The following PPP1R14C variants were observed in gnomAD, a reference collection of about 807,000 sequenced individuals.
PPP1R14C encodes the protein protein phosphatase 1 regulatory subunit 14C.
A neutral mutation model predicts 20.4 loss-of-function variants in PPP1R14C; 16 were observed. The observed-to-expected ratio is 0.78, with a 90% CI of 0.53 to 1.19. The LOEUF (loss-of-function observed/expected upper bound fraction) is 1.19, where lower values mean the gene tolerates loss of function less well. Ranked by LOEUF, PPP1R14C falls within the 50% of genes most tolerant of loss-of-function variation. The pLI, the probability that PPP1R14C is intolerant of heterozygous loss-of-function variation, is 0.00. For synonymous variants in PPP1R14C, 91 were observed against 91.0 expected, an observed-to-expected ratio of 1.00 and a Z score of 0.00; for missense variants, 211 against 220.1, an observed-to-expected ratio of 0.96 and a Z score of 0.26.
At chr6:150,195,592 G>A (rs1777794700) in intron 1 of PPP1R14C, among the ~76,000 whole-genome samples, 1 of 152,068 alleles carries the variant, frequency 6.6e-6, no homozygotes, top group African/African-American at 2.4e-5. Context: ...TGCCCACCTT[G>A]GCCTCCCAAA....
intron 1 of PPP1R14C, among the ~76,000 whole-genome samples, chr6:150,166,078 CT>C (rs373832861): frequency 0.25 from 35,359 of 143,458 alleles, 4,331 homozygotes; most frequent in South Asian, 0.38. Flanking sequence ...TCTTCTTCTT[CT>C]TTTTTTTTTT....
intron 3 of PPP1R14C, among the ~76,000 whole-genome samples, chr6:150,242,594 C>CAGGT (rs1778445851): frequency 6.6e-6 from 1 of 152,190 alleles, no homozygotes; most frequent in Non-Finnish European, 1.5e-5. Flanking sequence ...AAAAAACCTA[C>CAGGT]AGGTAACATA....
intron 1 of PPP1R14C, among the ~76,000 whole-genome samples, chr6:150,191,984 G>A (rs140049735): frequency 8.9e-4 from 135 of 152,274 alleles, no homozygotes; most frequent in Non-Finnish European, 1.7e-3. Flanking sequence ...GGAGCTTGCT[G>A]ACTCAGTGTC....
intron 1 of PPP1R14C, among the ~76,000 whole-genome samples, chr6:150,145,276 T>C (rs903017732): frequency 6.6e-6 from 1 of 152,252 alleles, no homozygotes; most frequent in Admixed American, 6.5e-5. Flanking sequence ...AATCTTTTCC[T>C]TGTATTGTAC....
intron 1 of PPP1R14C, among the ~76,000 whole-genome samples, chr6:150,178,000 C>G (rs1016022849): frequency 6.6e-6 from 1 of 152,186 alleles, no homozygotes; most frequent in Non-Finnish European, 1.5e-5. Context: ...TTTTACCTCG[C>G]ACAAGAATGT....
intron 3 of PPP1R14C, among the ~76,000 whole-genome samples, chr6:150,224,380 A>C (rs775624621): frequency 6.6e-6 from 1 of 152,196 alleles, no homozygotes; most frequent in Non-Finnish European, 1.5e-5. Context: ...TTTTATCCAC[A>C]GAACAGCTTC....
At chr6:150,222,363 C>T (rs1015943174) in intron 3 of PPP1R14C, among the ~76,000 whole-genome samples, 7 of 152,246 alleles carry the variant, frequency 4.6e-5, no homozygotes, top group African/African-American at 1.7e-4. Context: ...CACTCCCATC[C>T]ACCTCACACA....
intron 3 of PPP1R14C, among the ~76,000 whole-genome samples, chr6:150,230,238 C>A (rs551049345): frequency 3.3e-5 from 5 of 152,214 alleles, no homozygotes; most frequent in Admixed American, 6.5e-5. Context: ...TCCCACCACC[C>A]GCTTCACACT....
At chr6:150,222,765 CTTTT>C (rs4038164) in intron 3 of PPP1R14C, among the ~76,000 whole-genome samples, 2 of 71,278 alleles carry the variant, frequency 2.8e-5, no homozygotes, top group Non-Finnish European at 4.7e-5. Context: ...TTCAAACTGG[CTTTT>C]TTTTTTTTTT....
At chr6:150,167,881 A>T (rs1451800046) in intron 1 of PPP1R14C, among the ~76,000 whole-genome samples, 1 of 37,002 alleles carries the variant, frequency 2.7e-5, no homozygotes, top group Non-Finnish European at 5.0e-5. Flanking sequence ...CATATATAGA[A>T]CCCTTGTTTT....
chr6:150,202,051 C>T (rs530240522), intron 1 of PPP1R14C, among the ~76,000 whole-genome samples: 10 of 152,332 alleles, frequency 6.6e-5, no homozygotes, highest in African/African-American at 2.4e-4. Flanking sequence ...TTCCCTAAGA[C>T]CAAAGGCAGC....
At chr6:150,247,397 T>C (rs567864084) in intron 3 of PPP1R14C, among the ~76,000 whole-genome samples, 4 of 152,148 alleles carry the variant, frequency 2.6e-5, no homozygotes, top group Admixed American at 2.6e-4. Context: ...ACTTATCTGG[T>C]GGCCAAACAT....
chr6:150,174,366 C>T (rs976326749), intron 1 of PPP1R14C, among the ~76,000 whole-genome samples: 2 of 151,862 alleles, frequency 1.3e-5, no homozygotes, highest in Non-Finnish European at 2.9e-5. Flanking sequence ...ACTACCGGTG[C>T]CCCCCACCAC....
chr6:150,246,331 T>A (rs1350808578), intron 3 of PPP1R14C, among the ~76,000 whole-genome samples: 1 of 152,060 alleles, frequency 6.6e-6, no homozygotes, highest in East Asian at 1.9e-4. Context: ...TACATTCAAA[T>A]ACTGAAACTT....
chr6:150,238,232 ATGTT>A, intron 3 of PPP1R14C, among the ~76,000 whole-genome samples: 1 of 152,346 alleles, frequency 6.6e-6, no homozygotes, highest in Non-Finnish European at 1.5e-5. Context: ...GTCAAGGCAA[ATGTT>A]TGTTTGTCTT....
intron 1 of PPP1R14C, 107 bp from the exon 2 acceptor site, chr6:150,214,637 C>T (rs1360546670): frequency 6.5e-6 from 5 of 773,212 alleles, no homozygotes; most frequent in Non-Finnish European, 1.1e-5. Context: ...TCTGTCAGCC[C>T]TTCTCAATTG....
At chr6:150,227,425 T>G (rs778492022) in intron 3 of PPP1R14C, among the ~76,000 whole-genome samples, 2 of 152,166 alleles carry the variant, frequency 1.3e-5, no homozygotes, top group Non-Finnish European at 2.9e-5. Flanking sequence ...AGGACAGAAA[T>G]GTCAGGCTGT....
At chr6:150,200,011 A>C (rs1257723541) in intron 1 of PPP1R14C, among the ~76,000 whole-genome samples, 1 of 152,126 alleles carries the variant, frequency 6.6e-6, no homozygotes, top group Non-Finnish European at 1.5e-5. Context: ...ACTCTGTGTC[A>C]TTTCCACTTT....
At position 150,236,794 on chromosome 6, in the gene PPP1R14C, A is replaced by G. The variant is rs951257452; in HGVS notation, c.424-11952A>G. On this transcript the variant is annotated intron_variant, in intron 3 of 3. Coordinates refer to ENST00000361131, the MANE Select transcript of PPP1R14C (RefSeq NM_030949.3). ...GGTCGCACAGTCTGGGTGGCTCTGG[A>G]GTGGCTGATTTTGGTCCTGGGCTGT... Among the ~76,000 whole-genome samples the G allele has an allele frequency of 2.0e-5, 3 of 152,018 alleles. No homozygotes were observed. The East Asian group carries it at 5.8e-4, about 29-fold the overall frequency.
Sources: gnomAD v4.1 joint callset for allele counts (sites outside exome capture counted in the v4.1 genomes callset) on GRCh38, gnomAD v4.1.1 for gene constraint, MANE v1.5 for transcripts, NCBI Gene and HGNC (gene_info 2026-07-23, HGNC 2026-07-21) for gene names.